Variants in SPRY3 observed in about 807,000 individuals in gnomAD.
The protein encoded by SPRY3 is sprouty RTK signaling antagonist 3, also known as protein sprouty homolog 3.
SPRY3 carries 15 observed loss-of-function variants against 20.2 expected under a neutral mutation model. The ratio of observed to expected loss-of-function variants is 0.74; its 90% CI spans 0.50 to 1.14. The LOEUF is 1.14. Ranked by LOEUF, SPRY3 falls within the 50% of genes most tolerant of loss-of-function variation. The pLI is 0.00. For synonymous variants in SPRY3, 143 were observed against 136.5 expected (o/e 1.05, Z -0.33); for missense variants, 364 against 363.9 (o/e 1.00, Z 0.00).
chrX:155,627,721 A>G (rs2067892849), intron 1 of SPRY3, among the ~76,000 whole-genome samples: 1 of 110,434 alleles, frequency 9.1e-6, no homozygotes, highest in African/African-American at 3.3e-5. Context: ...TTACATAGGT[A>G]AATGTGTGCC....
intron 1 of SPRY3, among the ~76,000 whole-genome samples, chrX:155,634,437 C>T (rs1405780818): frequency 1.8e-5 from 2 of 111,482 alleles, no homozygotes; most frequent in African/African-American, 6.5e-5. Flanking sequence ...ATAAGAAACT[C>T]AATTCACAGC....
exon 4 of SPRY3, chrX:155,774,717 G>C: frequency 6.2e-7 from 1 of 1,612,810 alleles, no homozygotes; most frequent in Non-Finnish European, 8.5e-7. Context: ...CCTTCCCCAA[G>C]GCCCAGGAAA....
At chrX:155,746,738 T>C (rs1392856646) in intron 2 of SPRY3, among the ~76,000 whole-genome samples, 3 of 151,944 alleles carry the variant, frequency 2.0e-5, no homozygotes, top group African/African-American at 4.8e-5. Context: ...TGATCTATAA[T>C]GGACAGCTGT....
intron 2 of SPRY3, among the ~76,000 whole-genome samples, chrX:155,734,065 C>T (rs898206594): frequency 6.6e-6 from 1 of 152,122 alleles, no homozygotes; most frequent in Non-Finnish European, 1.5e-5. Flanking sequence ...TATTTGTTTA[C>T]TGGAGTAGCA....
intron 2 of SPRY3, among the ~76,000 whole-genome samples, chrX:155,703,562 A>G (rs2090926910): frequency 9.0e-6 from 1 of 111,068 alleles, no homozygotes; most frequent in Non-Finnish European, 1.8e-5. Context: ...CTTTCAAAAA[A>G]CCAGCTCCTG....
chrX:155,735,467 GT>G (rs2091162185), intron 2 of SPRY3, among the ~76,000 whole-genome samples: 2 of 151,952 alleles, frequency 1.3e-5, no homozygotes, highest in Non-Finnish European at 2.9e-5. Context: ...AGTTCTATCA[GT>G]TTTGGCCTCA....
intron 2 of SPRY3, among the ~76,000 whole-genome samples, chrX:155,695,480 ATC>A (rs2068115830): frequency 9.1e-6 from 1 of 109,522 alleles, no homozygotes. Flanking sequence ...TCTGATTGAA[ATC>A]TCTAGATATG....
intron 2 of SPRY3, among the ~76,000 whole-genome samples, chrX:155,761,793 A>G (rs1417468498): frequency 2.1e-5 from 3 of 145,308 alleles, no homozygotes; most frequent in Non-Finnish European, 4.5e-5. Context: ...TTTGATTTGC[A>G]TTTTTCTGAT....
chrX:155,710,802 A>T (rs958106524), intron 2 of SPRY3, among the ~76,000 whole-genome samples: 1 of 151,820 alleles, frequency 6.6e-6, no homozygotes, highest in Non-Finnish European at 1.5e-5. Context: ...TGGGTCTGTC[A>T]TCTATGGCTT....
intron 2 of SPRY3, among the ~76,000 whole-genome samples, chrX:155,720,856 C>T (rs751203067): frequency 2.1e-4 from 32 of 152,192 alleles, no homozygotes; most frequent in African/African-American, 7.7e-4. Context: ...ACAATAAGTA[C>T]CCAACTCTTC....
At chrX:155,724,878 G>A (rs2091086853) in intron 2 of SPRY3, among the ~76,000 whole-genome samples, 1 of 152,110 alleles carries the variant, frequency 6.6e-6, no homozygotes, top group Admixed American at 6.6e-5. Flanking sequence ...GGTGAGAGAG[G>A]GCGTCCTTGT....
At chrX:155,724,122 C>T (rs1372508364) in intron 2 of SPRY3, among the ~76,000 whole-genome samples, 1 of 152,098 alleles carries the variant, frequency 6.6e-6, no homozygotes, top group African/African-American at 2.4e-5. Context: ...TCTGAGGCCT[C>T]TGTTCTGTTC....
intron 2 of SPRY3, among the ~76,000 whole-genome samples, chrX:155,685,911 G>A (rs1278550149): frequency 9.0e-6 from 1 of 110,906 alleles, no homozygotes; most frequent in African/African-American, 3.3e-5. Context: ...GGGACTACAG[G>A]TGTGTGCCAC....
chrX:155,657,767 G>A (rs984956597), intron 2 of SPRY3, among the ~76,000 whole-genome samples: 1 of 112,079 alleles, frequency 8.9e-6, no homozygotes, highest in Non-Finnish European at 1.9e-5. Flanking sequence ...TGAGGGAATC[G>A]CCTGGTCTGC....
intron 2 of SPRY3, among the ~76,000 whole-genome samples, chrX:155,743,278 A>G (rs1472643382): frequency 2.6e-5 from 4 of 152,188 alleles, no homozygotes; most frequent in Admixed American, 2.6e-4. Flanking sequence ...AAGAAGCCTA[A>G]CCAGTGTGTC....
chrX:155,703,944 C>T (rs1031222050), intron 2 of SPRY3, among the ~76,000 whole-genome samples: 9 of 151,764 alleles, frequency 5.9e-5, no homozygotes, highest in Non-Finnish European at 1.2e-4. Context: ...TGATGGTAAC[C>T]ATAGCAGCAA....
intron 2 of SPRY3, among the ~76,000 whole-genome samples, chrX:155,722,046 A>G (rs970842233): frequency 1.7e-5 from 2 of 114,924 alleles, no homozygotes; most frequent in African/African-American, 1.0e-4. Flanking sequence ...AAATAGGAAC[A>G]AAAAAAATTA....
At chrX:155,765,864 G>C (rs761854956) in intron 2 of SPRY3, among the ~76,000 whole-genome samples, 1 of 152,150 alleles carries the variant, frequency 6.6e-6, no homozygotes, top group African/African-American at 2.4e-5. Flanking sequence ...CTATTCATGG[G>C]GTGCTTGCTA....
chrX:155,674,981 A>G, intron 2 of SPRY3, among the ~76,000 whole-genome samples: 1 of 112,091 alleles, frequency 8.9e-6, no homozygotes, highest in South Asian at 3.7e-4. Flanking sequence ...TATGGAGCTT[A>G]TAATTAATCC....
Sources: gnomAD v4.1 joint callset for allele counts (sites outside exome capture counted in the v4.1 genomes callset) on GRCh38, gnomAD v4.1.1 for gene constraint, MANE v1.5 for transcripts, NCBI Gene and HGNC (gene_info 2026-07-23, HGNC 2026-07-21) for gene names.